Variants in CXXC1 observed in about 807,000 individuals in gnomAD.
CXXC1 encodes CXXC-type zinc finger protein 1.
A neutral mutation model predicts 83.6 loss-of-function variants in CXXC1; 21 were observed. That is an observed-to-expected ratio of 0.25 (90% CI 0.18 to 0.36). The LOEUF is 0.36. Among genes scored for constraint, CXXC1 ranks in the 10% least tolerant of loss-of-function variants. The probability of loss-of-function intolerance (pLI) is 1.00; values close to 1 mark genes in which losing one functional copy is unlikely to be tolerated. For missense variants in CXXC1, 688 were observed against 919.5 expected (o/e 0.75, Z 3.26); for synonymous variants, 371 against 337.5 (o/e 1.10, Z -1.09).
intron 1 of CXXC1, chr18:50,287,068 A>C: frequency 1.8e-6 from 1 of 562,654 alleles, no homozygotes. Context: ...CCCATCACGC[A>C]CCCACCGACA....
At chr18:50,286,354 C>A (rs1355259622) in intron 3 of CXXC1, 97 bp from the exon 4 acceptor site, 2 of 1,211,230 alleles carry the variant, frequency 1.7e-6, no homozygotes, top group African/African-American at 1.5e-5. Flanking sequence ...ACTGACCCAC[C>A]CACCTACTCT....
Position 50,283,358 on chromosome 18 carries a change from G to A in CXXC1, c.1578C>T (p.Ala526=), listed in dbSNP as rs1201761065. The change falls in exon 13 of 15, where the codon GCC becomes GCT. Residue 526 remains alanine (A), a synonymous_variant. Transcript: ENST00000285106. ...GSMYPTRIEG[A]TRLFCDVYNP... ...TATACACATCACAGAAGAGTCGTGT[G>A]GCCCTGGGGATTTGGAGTAGAGAGG... 6 of 1,613,516 alleles carry A rather than the reference G, an allele frequency of 3.7e-6. No homozygotes were observed. The highest frequency in any genetic ancestry group is 1.3e-5 in the African/African-American group (1 of 74,854).
chr18:50,284,438 C>G lies in CXXC1; in HGVS notation c.1145G>C (p.Arg382Pro). 6.3e-7 allele frequency: 1 copy of G among 1,596,516 alleles called. No individual in the cohort carries two copies. The highest frequency in any genetic ancestry group is 8.5e-7 in the Non-Finnish European group (1 of 1,172,352). ...ATACTTGGAGCTGGGCTGGGCGGGG[C>G]GCACACAGCCGGGCCCCAGGCACTG... The part of the protein sequence containing the change: ...LPQCLGPGCV[R>P]PAQPSSKYCS... The change falls in exon 9 of 15, where the codon CGC becomes CCC. Residue 382 changes from arginine (R) to proline (P), a missense_variant. This residue lies in a region of CXXC1 where 100 missense variants were observed against 142.5 expected (regional missense o/e 0.70). Coordinates refer to ENST00000285106, the MANE Select transcript of CXXC1 (RefSeq NM_014593.4).
chr18:50,283,216 C>A (rs574144288), intron 13 of CXXC1, 49 bp downstream of exon 13: 4 of 1,484,738 alleles, frequency 2.7e-6, no homozygotes, highest in Non-Finnish European at 3.8e-6. Flanking sequence ...TGTGGGACAG[C>A]GAGGCAGGGA....
intron 1 of CXXC1, chr18:50,287,091 G>T: frequency 1.8e-6 from 1 of 564,630 alleles, no homozygotes. Flanking sequence ...CGCTCCCTGC[G>T]TCCACACTCG....
Position 50,285,940 on chromosome 18 carries a change from G to C in CXXC1, c.460-12C>G. On this transcript the variant is annotated splice_polypyrimidine_tract_variant and intron_variant, in intron 4 of 14. Coordinates refer to ENST00000285106, the MANE Select transcript of CXXC1 (RefSeq NM_014593.4). This position sits in a 1 kb window ranked among gnomAD's most constrained non-coding sequence, Gnocchi z 4.4. ...TGCTGCTGGTGATGCTGCAGGAGGG[G>C]GCCCAGAACAGAAATCATGGACCCA... is the stretch of plus-strand genomic sequence containing the variant. 1 of 1,613,890 alleles carries C rather than the reference G, an allele frequency of 6.2e-7. No individual in the cohort carries two copies. The highest frequency in any genetic ancestry group is 8.5e-7 in the Non-Finnish European group (1 of 1,180,014).
At chr18:50,284,949 C>G (rs1486551242) in intron 7 of CXXC1, 53 bp downstream of exon 7, 1 of 1,612,888 alleles carries the variant, frequency 6.2e-7, no homozygotes, top group African/African-American at 1.3e-5. Context: ...TAGGGATACT[C>G]TCTGCTTCTG....
intron 3 of CXXC1, 105 bp downstream of exon 3, chr18:50,286,434 C>G: frequency 2.7e-6 from 3 of 1,105,052 alleles, no homozygotes; most frequent in Non-Finnish European, 2.7e-6. Context: ...AGCCCCATTC[C>G]AGCTCACCAC....
At position 50,286,055 on chromosome 18, in the gene CXXC1, G is replaced by A. The variant is rs2040707779; in HGVS notation, c.426C>T (p.Ser142=). The A allele has an allele frequency of 6.2e-7, 1 of 1,614,010 alleles. No homozygotes were observed. The stretch of plus-strand genomic sequence containing the variant: ...GTGTGGCCACCAAGGGCTGCGGAGA[G>A]GATTTGTGGGGCGAAGCAGAGCCCC... ...LARGSASPHK[S]SPQPLVATPS... is the part of the protein sequence containing the mutation. The change falls in exon 4 of 15, where the codon TCC becomes TCT. Residue 142 remains serine, a synonymous_variant. Coordinates refer to ENST00000285106, the MANE Select transcript of CXXC1 (RefSeq NM_014593.4).
intron 1 of CXXC1, 139 bp downstream of exon 1, chr18:50,287,448 T>A: frequency 9.7e-7 from 1 of 1,034,870 alleles, no homozygotes; most frequent in Non-Finnish European, 1.4e-6. Context: ...TGGTTCATCA[T>A]TCTGCCCATA....
rs1410118323 is a variant in CXXC1 at position 50,282,585 on chromosome 18, C to G, written c.*8G>C. 1 of 1,606,628 alleles carries G rather than the reference C, an allele frequency of 6.2e-7. No individual in the cohort carries two copies. The highest frequency in any genetic ancestry group is 1.7e-5 in the Admixed American group (1 of 59,996). On this transcript the variant is annotated 3_prime_UTR_variant, in exon 15 of 15. Coordinates refer to ENST00000285106, the MANE Select transcript of CXXC1 (RefSeq NM_014593.4). This position sits in a 1 kb window ranked among gnomAD's most constrained non-coding sequence, Gnocchi z 5.8. ...AATGCAGGGTGTAAGGGGTCCGGGC[C>G]AGGAGGCTCAGCGGTCGGCACTGGA... is the stretch of plus-strand genomic sequence containing the variant.
At position 50,284,571 on chromosome 18, in the gene CXXC1, C is replaced by A. The variant is rs763152495; in HGVS notation, c.1021-9G>T. 4 of 1,580,694 alleles carry A rather than the reference C, an allele frequency of 2.5e-6. No individual in the cohort carries two copies. Among genetic ancestry groups the A allele is most frequent in the South Asian group, 1.2e-5 (1 of 85,436 alleles). ...TTGTATCGCTCCTCCTTCTGTTGAG[C>A]AAGACAAGTCAGGTCAGGGTGGAGT... is the stretch of plus-strand genomic sequence containing the variant. On this transcript the variant is annotated splice_polypyrimidine_tract_variant and intron_variant, in intron 8 of 14. Coordinates refer to ENST00000285106, the MANE Select transcript of CXXC1 (RefSeq NM_014593.4).
chr18:50,286,270 GAGT>G lies in CXXC1; in HGVS notation c.224-16_224-14del, dbSNP rs1568306213. Reference sequence around the variant, plus strand: ...TTGGGGTCTTTCTCTGTGGGGCAGAGAGTAGGGCCAAAGTGAGTGAGCACTGGA... The same window carrying G: ...TTGGGGTCTTTCTCTGTGGGGCAGAGAGGGCCAAAGTGAGTGAGCACTGGA... On this transcript the variant is annotated splice_polypyrimidine_tract_variant and intron_variant, in intron 3 of 14. Coordinates refer to ENST00000285106, the MANE Select transcript of CXXC1 (RefSeq NM_014593.4). 6.3e-7 allele frequency: 1 copy of G among 1,588,764 alleles called. No individual in the cohort carries two copies. The highest frequency in any genetic ancestry group is 2.2e-5 in the East Asian group (1 of 44,644).
In CXXC1 at chr18:50,285,331, A is replaced by C; in HGVS notation, c.660T>G (p.Pro220=). Residue 220 remains proline, a synonymous_variant, in exon 6 of 15, where the codon CCT becomes CCG. Coordinates refer to ENST00000285106, the MANE Select transcript of CXXC1 (RefSeq NM_014593.4). The surrounding 1 kb of genome is among the most constrained non-coding windows in gnomAD (Gnocchi z 4.4). The part of the protein sequence containing the change: ...LRARESYKYF[P]SSLSPVTPSE... Reference sequence around the variant, plus strand: ...CCTGGGGGGCTGGACTCACCGAGGAAGGGAAGTACTTGTACGATTCCTGTG... The same window carrying C: ...CCTGGGGGGCTGGACTCACCGAGGACGGGAAGTACTTGTACGATTCCTGTG... The C allele has an allele frequency of 1.2e-6, 2 of 1,602,546 alleles. No individual in the cohort carries two copies. Among genetic ancestry groups the C allele is most frequent in the South Asian group, 2.2e-5 (2 of 89,280 alleles).
At chr18:50,284,906 C>G in intron 7 of CXXC1, 67 bp from the exon 8 acceptor site, 3 of 1,612,750 alleles carry the variant, frequency 1.9e-6, no homozygotes, top group South Asian at 2.2e-5. Flanking sequence ...ACTCATGTCC[C>G]ATATCAGCCT....
Position 50,285,877 on chromosome 18 carries a change from C to G in CXXC1, c.511G>C (p.Glu171Gln). The G allele has an allele frequency of 6.2e-7, 1 of 1,614,250 alleles. No individual in the cohort carries two copies. Among genetic ancestry groups the G allele is most frequent in the Non-Finnish European group, 8.5e-7 (1 of 1,180,048 alleles). The change falls in exon 5 of 15, where the codon GAG (glutamate) becomes CAG (glutamine). Residue 171 changes from glutamate to glutamine, a missense_variant. Transcript: ENST00000285106. The surrounding 1 kb of genome is among the most constrained non-coding windows in gnomAD (Gnocchi z 4.4). Reference protein sequence around the residue: ...QIKRSARMCGECEACRRTEDC... With the variant: ...QIKRSARMCGQCEACRRTEDC... The stretch of plus-strand genomic sequence containing the variant: ...TCAGTGCGCCGACATGCCTCACACT[C>G]ACCACACATGCGGGCTGACCGTTTG...
intron 13 of CXXC1, 79 bp from the exon 14 acceptor site, chr18:50,283,085 AAAG>A: frequency 6.6e-7 from 1 of 1,518,344 alleles, no homozygotes; most frequent in South Asian, 1.1e-5. Flanking sequence ...GGGAGAAGGA[AAAG>A]AATGGAGGGT....
At position 50,285,443 on chromosome 18, in the gene CXXC1, CCA is replaced by C; in HGVS notation, c.640-94_640-93del. 8 of 1,412,634 alleles carry C rather than the reference CCA, an allele frequency of 5.7e-6. No homozygotes were observed. Among genetic ancestry groups the C allele is most frequent in the Non-Finnish European group, 7.6e-6 (8 of 1,048,614 alleles). The allele number at this position is 1,412,634 out of a possible 1,614,324, so 87.5% of individuals were successfully genotyped here. A position where few individuals can be genotyped will look rare whatever the true frequency, so the allele number is the denominator to read the frequency against. On this transcript the variant is annotated intron_variant, in intron 5 of 14. Coordinates refer to ENST00000285106, the MANE Select transcript of CXXC1 (RefSeq NM_014593.4). This position sits in a 1 kb window ranked among gnomAD's most constrained non-coding sequence, Gnocchi z 4.4. ...ACCCACCTGGCCTGGCCTTACCTCC[CCA>C]GACACACCTCCCCGCTACCCCTCAT... is the stretch of plus-strand genomic sequence containing the variant.
intron 12 of CXXC1, 42 bp downstream of exon 12, chr18:50,283,473 G>A (rs117717402): frequency 5.0e-6 from 8 of 1,610,372 alleles, no homozygotes; most frequent in Non-Finnish European, 5.1e-6. Flanking sequence ...TCTGACCCCC[G>A]CCTTAACCCC....
Sources: allele counts gnomAD v4.1 joint callset, GRCh38; gene constraint gnomAD v4.1.1; regional missense constraint gnomAD v4.1.1; non-coding constraint Gnocchi (gnomAD v3.1); transcripts MANE v1.5; gene names NCBI Gene and HGNC (gene_info 2026-07-23, HGNC 2026-07-21).